GIGYF2: variants seen among roughly 807,000 people sequenced by gnomAD.
The protein encoded by GIGYF2 is GRB10 interacting GYF protein 2.
Under a neutral mutation model 208.1 loss-of-function variants are expected in GIGYF2, and 25 were observed. The ratio of observed to expected loss-of-function variants is 0.12; its 90% confidence interval spans 0.09 to 0.17. GIGYF2 has a LOEUF of 0.17. Among genes scored for constraint, GIGYF2 ranks in the 10% least tolerant of loss-of-function variants. The probability of loss-of-function intolerance (pLI) is 1.00; values close to 1 mark genes in which losing one functional copy is unlikely to be tolerated. For missense variants in GIGYF2, 1,302 were observed against 1,579.4 expected (o/e 0.82, Z 2.98); for synonymous variants, 534 against 543.8 (o/e 0.98, Z 0.25).
At chr2:232,760,809 A>G (rs533374836) in intron 7 of GIGYF2, among the ~76,000 whole-genome samples, 3 of 150,040 alleles carry the variant, frequency 2.0e-5, no homozygotes, top group South Asian at 2.1e-4. Flanking sequence ...GAGTGCCAGC[A>G]TAGTTAATTT....
chr2:232,791,595 A>G, intron 12 of GIGYF2, 149 bp downstream of exon 12: 1 of 748,868 alleles, frequency 1.3e-6, no homozygotes, highest in Non-Finnish European at 2.3e-6. Flanking sequence ...ACCCAGTCAA[A>G]CAGTGCTTCT....
chr2:232,803,485 G>A (rs1242157165), intron 14 of GIGYF2, among the ~76,000 whole-genome samples: 1 of 151,834 alleles, frequency 6.6e-6, no homozygotes, highest in African/African-American at 2.4e-5. Context: ...TTAAGTTCAT[G>A]GTCCATTTTA....
chr2:232,813,187 C>CTTTTTTTTTT, intron 18 of GIGYF2, among the ~76,000 whole-genome samples: 1 of 123,874 alleles, frequency 8.1e-6, no homozygotes, highest in African/African-American at 3.0e-5. Context: ...TCTTTGCTTT[C>CTTTTTTTTTT]TTTTTTTTTT....
chr2:232,730,007 T>G (rs1028986027), intron 2 of GIGYF2: 2 of 770,306 alleles, frequency 2.6e-6, no homozygotes, highest in Non-Finnish European at 4.6e-6. Context: ...TGGCCTTTTC[T>G]TTTTCGTAAG....
chr2:232,770,985 G>A, intron 8 of GIGYF2: 1 of 1,614,054 alleles, frequency 6.2e-7, no homozygotes, highest in East Asian at 2.2e-5. Context: ...CACCACTGGG[G>A]AACATGGTAC....
intron 14 of GIGYF2, among the ~76,000 whole-genome samples, chr2:232,803,432 T>G (rs569829956): frequency 1.7e-4 from 26 of 152,226 alleles, no homozygotes; most frequent in African/African-American, 4.3e-4. Flanking sequence ...ATGGTTTTTT[T>G]TGTGTGTGTG....
At position 232,776,288 on chromosome 2, in the gene GIGYF2, G is replaced by A; in HGVS notation, c.533-10862G>A. The A allele has an allele frequency of 5.9e-6, 3 of 512,394 alleles. No individual in the cohort carries two copies. The South Asian group carries it at 1.2e-4, about 20-fold the overall frequency. 31.7% of individuals were successfully genotyped at this position (512,394 alleles called of 1,614,324 possible). On this transcript the variant is annotated intron_variant, in intron 8 of 28. Coordinates refer to ENST00000373563, the MANE Select transcript of GIGYF2 (RefSeq NM_001103146.3). ...TGTTATTGCATTTTTAAGATTTAAG[G>A]GAAAAGAATATAGAAACCTTACTAT...
intron 15 of GIGYF2, among the ~76,000 whole-genome samples, chr2:232,807,859 C>T (rs938580044): frequency 2.0e-5 from 3 of 152,224 alleles, no homozygotes; most frequent in African/African-American, 4.8e-5. Context: ...GCATGAGCCA[C>T]TGCACCCAGC....
At chr2:232,729,275 C>T (rs192256565) in intron 2 of GIGYF2, among the ~76,000 whole-genome samples, 51 of 152,262 alleles carry the variant, frequency 3.3e-4, no homozygotes, top group African/African-American at 8.4e-4. Context: ...GCACTGCATC[C>T]GGCCTCCAGA....
intron 6 of GIGYF2, among the ~76,000 whole-genome samples, chr2:232,757,057 A>G (rs1275280459): frequency 6.6e-6 from 1 of 152,214 alleles, no homozygotes; most frequent in Non-Finnish European, 1.5e-5. Context: ...TGCTTTAGAA[A>G]TGGAAGAATT....
chr2:232,766,549 T>C (rs1386539249), intron 8 of GIGYF2: 1 of 152,558 alleles, frequency 6.6e-6, no homozygotes, highest in Admixed American at 6.5e-5. Flanking sequence ...TGTCTTTATG[T>C]GTTACAATAG....
At chr2:232,713,667 G>A (rs1313500555) in intron 2 of GIGYF2, among the ~76,000 whole-genome samples, 1 of 152,134 alleles carries the variant, frequency 6.6e-6, no homozygotes, top group Non-Finnish European at 1.5e-5. Flanking sequence ...CTTTAGCTAT[G>A]ACAGTTTCTC....
intron 8 of GIGYF2, among the ~76,000 whole-genome samples, chr2:232,774,097 C>T (rs1425923834): frequency 2.7e-5 from 4 of 148,878 alleles, no homozygotes. Flanking sequence ...ATCTGGCCAA[C>T]ATAGCGAGAC....
intron 6 of GIGYF2, 147 bp from the exon 7 acceptor site, chr2:232,760,324 GGTCTCATAA>G (rs1698699564): frequency 1.6e-6 from 1 of 632,268 alleles, no homozygotes; most frequent in East Asian, 2.8e-5. Context: ...TGCCATTGTT[GGTCTCATAA>G]GTCAAGATCA....
intron 22 of GIGYF2, among the ~76,000 whole-genome samples, chr2:232,836,318 A>ACTTATATATT (rs1559160652): frequency 2.7e-5 from 1 of 37,058 alleles, no homozygotes; most frequent in African/African-American, 1.1e-4. Context: ...ATATATATAT[A>ACTTATATATT]TATATATATA....
rs185779639 is a variant in GIGYF2, at chr2:232,780,673, A to G, written c.533-6477A>G. 1.8e-4 allele frequency among the ~76,000 whole-genome samples: 28 copies of G among 152,338 alleles called. 1 individual carries two copies. The East Asian group carries it at 5.0e-3, about 27-fold the overall frequency. Reference sequence around the variant, plus strand: ...CAGGCATGAGTTTGTAAATAATTCAATAAGGTTTACTTTAAAATCATCTTG... The same window carrying G: ...CAGGCATGAGTTTGTAAATAATTCAGTAAGGTTTACTTTAAAATCATCTTG... On this transcript the variant is annotated intron_variant, in intron 8 of 28. Transcript: ENST00000373563.
chr2:232,778,559 G>A (rs1699608462), intron 8 of GIGYF2, among the ~76,000 whole-genome samples: 1 of 152,188 alleles, frequency 6.6e-6, no homozygotes, highest in African/African-American at 2.4e-5. Context: ...GTTAGCTGGT[G>A]TAGGGGAGAG....
chr2:232,788,430 C>A, intron 9 of GIGYF2: 1 of 324,592 alleles, frequency 3.1e-6, no homozygotes, highest in South Asian at 2.7e-5. Context: ...GTGACCTGGG[C>A]CAGATGTTAT....
intron 17 of GIGYF2, 78 bp downstream of exon 17, chr2:232,811,429 T>C: frequency 1.2e-6 from 1 of 867,400 alleles, no homozygotes; most frequent in Non-Finnish European, 2.0e-6. Context: ...AATTCTGGTA[T>C]AGTGTGTGAT....
Sources: gnomAD v4.1 joint callset for allele counts (sites outside exome capture counted in the v4.1 genomes callset) on GRCh38, gnomAD v4.1.1 for gene constraint, MANE v1.5 for transcripts, NCBI Gene and HGNC (gene_info 2026-07-23, HGNC 2026-07-21) for gene names.